The following HDAC9 variants were observed in gnomAD, a reference collection of about 807,000 sequenced individuals.
The protein encoded by HDAC9 is histone deacetylase 9.
In HDAC9, 41 loss-of-function variants were observed where a neutral mutation model predicts 139.4. That is an observed-to-expected ratio of 0.29 (90% confidence interval 0.23 to 0.38). The LOEUF (loss-of-function observed/expected upper bound fraction) is 0.38, where lower values mean the gene tolerates loss of function less well. Among genes scored for constraint, HDAC9 ranks in the 10% least tolerant of loss-of-function variants. HDAC9 has a pLI of 1.00. For missense variants in HDAC9, 1,147 were observed against 1,297.0 expected (o/e 0.88, Z 1.78); for synonymous variants, 517 against 476.2 (o/e 1.09, Z -1.12).
intron 1 of HDAC9, among the ~76,000 whole-genome samples, chr7:18,466,540 C>T (rs528331572): frequency 2.8e-4 from 43 of 152,220 alleles, no homozygotes; most frequent in African/African-American, 7.7e-4. Flanking sequence ...ATTGGGTAGA[C>T]GTCCTCTCGT....
intron 1 of HDAC9, among the ~76,000 whole-genome samples, chr7:18,138,416 A>G (rs765396821): frequency 1.5e-4 from 23 of 152,056 alleles, no homozygotes; most frequent in Non-Finnish European, 3.2e-4. Context: ...AGAAGGGTTT[A>G]GAACTCCTGG....
At chr7:18,352,083 A>G (rs1389814228) in intron 1 of HDAC9, among the ~76,000 whole-genome samples, 1 of 152,228 alleles carries the variant, frequency 6.6e-6, no homozygotes, top group Non-Finnish European at 1.5e-5. Flanking sequence ...AGCTTCAGTT[A>G]AGTGATGACA....
intron 11 of HDAC9, among the ~76,000 whole-genome samples, chr7:18,653,676 G>A (rs1159021685): frequency 6.6e-6 from 1 of 152,100 alleles, no homozygotes; most frequent in African/African-American, 2.4e-5. Context: ...GATGTACTGT[G>A]TTGCCCTTAT....
At chr7:18,609,802 C>T (rs1210453362) in intron 6 of HDAC9, among the ~76,000 whole-genome samples, 1 of 148,544 alleles carries the variant, frequency 6.7e-6, no homozygotes, top group Non-Finnish European at 1.5e-5. Context: ...CGTGACAGGC[C>T]CCGGTGTGTG....
At chr7:18,227,700 C>G (rs1459609156) in intron 2 of HDAC9, among the ~76,000 whole-genome samples, 1 of 152,106 alleles carries the variant, frequency 6.6e-6, no homozygotes, top group African/African-American at 2.4e-5. Context: ...AATAATGTAG[C>G]CTGCTGCCTG....
intron 12 of HDAC9, 83 bp from the exon 13 acceptor site, chr7:18,727,497 C>G (rs1348550299): frequency 3.4e-6 from 4 of 1,175,184 alleles, no homozygotes; most frequent in African/African-American, 1.6e-5. Context: ...ACCTGATGAA[C>G]TTAATTTGTT....
chr7:18,095,723 A>G (rs1460934068), intron 1 of HDAC9, among the ~76,000 whole-genome samples: 5 of 152,228 alleles, frequency 3.3e-5, no homozygotes, highest in Admixed American at 6.5e-5. Flanking sequence ...TAAATTATAA[A>G]ACCAAACCCA....
intron 23 of HDAC9, among the ~76,000 whole-genome samples, chr7:18,943,657 GAAC>G (rs764457413): frequency 3.3e-5 from 5 of 152,096 alleles, no homozygotes; most frequent in Middle Eastern, 3.4e-3. Context: ...TCAGTTAATA[GAAC>G]AATAACTACA....
intron 22 of HDAC9, among the ~76,000 whole-genome samples, chr7:18,905,674 A>G (rs916064358): frequency 1.7e-4 from 26 of 152,238 alleles, no homozygotes; most frequent in African/African-American, 6.3e-4. Flanking sequence ...TATTGTATGC[A>G]GGGAAATGGA....
At chr7:18,434,910 A>C (rs551430875) in intron 1 of HDAC9, among the ~76,000 whole-genome samples, 1 of 152,258 alleles carries the variant, frequency 6.6e-6, no homozygotes, top group East Asian at 1.9e-4. Flanking sequence ...AAAGGAATAT[A>C]AATATTTCCA....
chr7:18,862,674 C>G (rs972903917), intron 21 of HDAC9, among the ~76,000 whole-genome samples: 3 of 152,018 alleles, frequency 2.0e-5, no homozygotes, highest in African/African-American at 7.3e-5. Flanking sequence ...AGAATGTTTT[C>G]CTTTATACTG....
At chr7:18,485,601 A>G (rs1795916571) in intron 1 of HDAC9, among the ~76,000 whole-genome samples, 1 of 151,772 alleles carries the variant, frequency 6.6e-6, no homozygotes, top group African/African-American at 2.4e-5. Context: ...TAGTCCTTCA[A>G]TCATTTAGTT....
chr7:18,870,798 C>G (rs890603937), intron 21 of HDAC9, among the ~76,000 whole-genome samples: 9 of 152,088 alleles, frequency 5.9e-5, no homozygotes, highest in African/African-American at 2.2e-4. Flanking sequence ...CTCAATCTCC[C>G]GAGTCATTGG....
chr7:18,287,205 T>A (rs567623350), upstream of HDAC9, among the ~76,000 whole-genome samples: 2 of 152,252 alleles, frequency 1.3e-5, no homozygotes, highest in South Asian at 4.1e-4. Flanking sequence ...TTCTATTGCT[T>A]ATTTTTTTTT....
chr7:18,948,944 T>A (rs1782594217), intron 23 of HDAC9: 1 of 359,034 alleles, frequency 2.8e-6, no homozygotes, highest in South Asian at 2.6e-5. Context: ...AGCCTCTTGG[T>A]CAGTCATTAG....
intron 1 of HDAC9, among the ~76,000 whole-genome samples, chr7:18,357,224 C>G (rs1434681828): frequency 6.6e-6 from 1 of 152,054 alleles, no homozygotes; most frequent in East Asian, 1.9e-4. Context: ...GACATTCTTC[C>G]TATATATCCA....
chr7:18,185,661 A>G (rs1286041378), intron 2 of HDAC9, among the ~76,000 whole-genome samples: 1 of 152,138 alleles, frequency 6.6e-6, no homozygotes, highest in African/African-American at 2.4e-5. Context: ...TTATCTTCTT[A>G]TATTCAAGAT....
chr7:18,767,179 C>A, intron 16 of HDAC9, 24 bp downstream of exon 16: 1 of 1,388,912 alleles, frequency 7.2e-7, no homozygotes, highest in Non-Finnish European at 9.9e-7. Context: ...GGTTTACTGC[C>A]TTTAAATAAC....
intron 1 of HDAC9, among the ~76,000 whole-genome samples, chr7:18,341,989 G>C (rs548354194): frequency 4.6e-4 from 70 of 151,900 alleles, no homozygotes; most frequent in African/African-American, 1.4e-3. Flanking sequence ...TCAGTTTACT[G>C]TACTCAGTGT....
Sources: allele counts gnomAD v4.1 joint callset (sites outside exome capture counted in the v4.1 genomes callset), GRCh38; gene constraint gnomAD v4.1.1; transcripts MANE v1.5; gene names NCBI Gene and HGNC (gene_info 2026-07-23, HGNC 2026-07-21).